Variants in DIS3L2 observed in about 807,000 individuals in gnomAD.
DIS3L2 encodes the protein DIS3 like 3'-5' exoribonuclease 2.
Under a neutral mutation model 97.5 loss-of-function variants are expected in DIS3L2, and 34 were observed. The ratio of observed to expected loss-of-function variants is 0.35; its 90% CI spans 0.27 to 0.46. The LOEUF (loss-of-function observed/expected upper bound fraction) is 0.46, where lower values mean the gene tolerates loss of function less well. DIS3L2 is among the 20% of genes least tolerant of loss of function. The pLI is 1.00. For synonymous variants in DIS3L2, 435 were observed against 445.2 expected (o/e 0.98, Z 0.29); for missense variants, 1,038 against 1,146.0 (o/e 0.91, Z 1.36).
chr2:231,961,985 C>T (rs1692570576), intron 1 of DIS3L2, among the ~76,000 whole-genome samples: 1 of 152,362 alleles, frequency 6.6e-6, no homozygotes. Flanking sequence ...ACTCTCCGCT[C>T]CTGACCGACC....
chr2:232,329,788 C>A, intron 14 of DIS3L2, 25 bp from the exon 15 acceptor site: 1 of 1,080,634 alleles, frequency 9.3e-7, no homozygotes, highest in East Asian at 3.0e-5. Flanking sequence ...CCAGCGGTCC[C>A]TCCCATCCCA....
chr2:232,319,094 G>A (rs1695356789), intron 14 of DIS3L2, among the ~76,000 whole-genome samples: 1 of 152,174 alleles, frequency 6.6e-6, no homozygotes, highest in African/African-American at 2.4e-5. Flanking sequence ...GGCTGGCTGG[G>A]CCATTCCTGG....
intron 7 of DIS3L2, among the ~76,000 whole-genome samples, chr2:232,135,387 A>G (rs760096998): frequency 3.9e-5 from 6 of 152,200 alleles, no homozygotes; most frequent in African/African-American, 1.2e-4. Context: ...CAGAGGCTGT[A>G]TGTGGGAAAA....
intron 14 of DIS3L2, among the ~76,000 whole-genome samples, chr2:232,312,939 AATTT>A (rs1288444142): frequency 2.6e-5 from 4 of 152,146 alleles, no homozygotes; most frequent in Non-Finnish European, 4.4e-5. Flanking sequence ...TACTTTCCTG[AATTT>A]ATTTATTAGG....
chr2:232,255,148 T>C lies in DIS3L2; in HGVS notation c.1425+5802T>C, dbSNP rs548894195. On this transcript the variant is annotated intron_variant, in intron 12 of 20. Transcript: ENST00000325385. ...TGGGGGAACAAAGTTCGGAACCAGATGGGAGGGTTAGGGAGCCAGAGAAGG... is the reference window on the plus strand; with the variant it reads ...TGGGGGAACAAAGTTCGGAACCAGACGGGAGGGTTAGGGAGCCAGAGAAGG... 1.1e-4 allele frequency among the ~76,000 whole-genome samples: 16 copies of C among 152,190 alleles called. No individual in the cohort carries two copies. In the East Asian group the frequency reaches 3.1e-3, roughly 29 times the overall value.
chr2:232,171,064 G>A (rs55713661), intron 9 of DIS3L2, among the ~76,000 whole-genome samples: 1,889 of 152,274 alleles, frequency 0.012, 17 homozygotes, highest in Non-Finnish European at 0.018. Flanking sequence ...AAGGAGCGCT[G>A]GAAGTTAGTC....
chr2:232,267,107 G>A (rs1037065009), intron 13 of DIS3L2, among the ~76,000 whole-genome samples: 7 of 152,210 alleles, frequency 4.6e-5, no homozygotes, highest in Non-Finnish European at 5.9e-5. Context: ...TTAGACCGGA[G>A]CTGCCTAACC....
At chr2:232,337,600 C>T (rs560116966), downstream of DIS3L2, among the ~76,000 whole-genome samples, 2 of 152,218 alleles carry the variant, frequency 1.3e-5, no homozygotes, top group East Asian at 1.9e-4. Context: ...CCAGCCTGTA[C>T]TCCTTCCCCC....
chr2:232,127,703 G>A (rs1363298798), intron 6 of DIS3L2, among the ~76,000 whole-genome samples: 1 of 152,134 alleles, frequency 6.6e-6, no homozygotes, highest in Non-Finnish European at 1.5e-5. Context: ...CTCTAGCCAT[G>A]CCCATTCTTG....
intron 7 of DIS3L2, chr2:232,131,080 G>A (rs1469659129): frequency 5.1e-6 from 1 of 194,586 alleles, no homozygotes; most frequent in Non-Finnish European, 1.0e-5. Context: ...CTTCAGATTT[G>A]TACAGTTTTT....
At position 232,310,470 on chromosome 2, in the gene DIS3L2, C is replaced by T. The variant is rs189551316; in HGVS notation, c.1739+10351C>T. On this transcript the variant is annotated intron_variant, in intron 14 of 20. Transcript: ENST00000325385. ...GTAGTGTTCAGCGAAGGGAGTGTCT[C>T]TCCACCGTCCACCCACACAGAGGGA... 1.4e-4 allele frequency among the ~76,000 whole-genome samples: 21 copies of T among 152,348 alleles called. No individual in the cohort carries two copies. In the East Asian group the frequency reaches 3.1e-3, roughly 22 times the overall value.
intron 10 of DIS3L2, among the ~76,000 whole-genome samples, chr2:232,218,771 C>T (rs941117639): frequency 5.3e-5 from 8 of 152,214 alleles, no homozygotes; most frequent in East Asian, 3.8e-4. Flanking sequence ...CACTGTCTCC[C>T]GTCCACCTTG....
intron 1 of DIS3L2, among the ~76,000 whole-genome samples, chr2:231,996,736 T>C (rs1175466451): frequency 6.6e-6 from 1 of 152,230 alleles, no homozygotes; most frequent in African/African-American, 2.4e-5. Context: ...AATGCTGTTA[T>C]CACATCTAAT....
chr2:232,336,896 G>A lies in DIS3L2; in HGVS notation c.*266G>A. 1.5e-6 allele frequency: 2 copies of A among 1,295,462 alleles called. No individual in the cohort carries two copies. The highest frequency in any genetic ancestry group is 2.0e-6 in the Non-Finnish European group (2 of 1,018,856). The allele number at this position is 1,295,462 out of a possible 1,614,324, so 80.2% of individuals were successfully genotyped here. A position where few individuals can be genotyped will look rare whatever the true frequency, so the allele number is the denominator to read the frequency against. On this transcript the variant is annotated 3_prime_UTR_variant, in exon 21 of 21. Transcript: ENST00000325385. ...GGAGGCTGGCCCCCCTTTTTTCTGG[G>A]CCCTACTGCCCTCCTCTGCCCAGGA...
intron 1 of DIS3L2, among the ~76,000 whole-genome samples, chr2:231,965,700 G>A (rs759934230): frequency 6.6e-6 from 1 of 152,200 alleles, no homozygotes; most frequent in African/African-American, 2.4e-5. Context: ...TCTGTCCTCA[G>A]CAGATGATAC....
Position 231,961,758 on chromosome 2 carries a change from G to T in DIS3L2, c.-101G>T, listed in dbSNP as rs1692556792. On this transcript the variant is annotated 5_prime_UTR_variant, in exon 1 of 21. Coordinates refer to ENST00000325385, the MANE Select transcript of DIS3L2 (RefSeq NM_152383.5). Reference sequence around the variant, plus strand: ...GACTGCGGCGGCGCCGGCCTCCGGGGAGAAACGGTGAGGCCCTCACTCGCC... The same window carrying T: ...GACTGCGGCGGCGCCGGCCTCCGGGTAGAAACGGTGAGGCCCTCACTCGCC... The T allele has an allele frequency of 6.5e-6, 1 of 153,318 alleles. No homozygotes were observed. The highest frequency in any genetic ancestry group is 2.4e-5 in the African/African-American group (1 of 41,480). 9.5% of individuals were successfully genotyped at this position (153,318 alleles called of 1,614,324 possible).
At chr2:232,161,350 C>T (rs945219027) in intron 8 of DIS3L2, among the ~76,000 whole-genome samples, 2 of 152,094 alleles carry the variant, frequency 1.3e-5, no homozygotes, top group Non-Finnish European at 2.9e-5. Flanking sequence ...TCTTCCTTTC[C>T]GATGTGAGCA....
intron 4 of DIS3L2, among the ~76,000 whole-genome samples, chr2:232,029,024 A>T (rs1432455271): frequency 6.6e-6 from 1 of 152,114 alleles, no homozygotes; most frequent in African/African-American, 2.4e-5. Flanking sequence ...TGATTTTGGG[A>T]TGCTAATTTT....
At chr2:232,229,272 G>A (rs1692728767) in intron 10 of DIS3L2, among the ~76,000 whole-genome samples, 1 of 152,048 alleles carries the variant, frequency 6.6e-6, no homozygotes, top group African/African-American at 2.4e-5. Context: ...CCTAGCCCCT[G>A]TATCCCTCAT....
Sources: allele counts gnomAD v4.1 joint callset (sites outside exome capture counted in the v4.1 genomes callset), GRCh38; gene constraint gnomAD v4.1.1; transcripts MANE v1.5; gene names NCBI Gene and HGNC (gene_info 2026-07-23, HGNC 2026-07-21).